The following WDR59 variants were observed in gnomAD, a reference collection of about 807,000 sequenced individuals.
WDR59 encodes WD repeat domain 59.
A neutral mutation model predicts 131.2 loss-of-function variants in WDR59; 100 were observed. The ratio of observed to expected loss-of-function variants is 0.76; its 90% CI spans 0.65 to 0.90. The LOEUF (loss-of-function observed/expected upper bound fraction) is 0.90. Ranked by LOEUF, WDR59 falls within the 40% of genes least tolerant of loss-of-function variation. The pLI is 0.00. For missense variants in WDR59, 1,203 were observed against 1,262.2 expected (o/e 0.95, Z 0.71); for synonymous variants, 601 against 466.2 (o/e 1.29, Z -3.72).
chr16:74,956,720 AC>A, intron 2 of WDR59, 110 bp from the exon 3 acceptor site: 1 of 1,327,036 alleles, frequency 7.5e-7, no homozygotes, highest in Non-Finnish European at 1.0e-6. Context: ...GCTCCAAAAA[AC>A]CCAAACACAC....
chr16:74,972,315 C>T (rs1419880566), intron 1 of WDR59, among the ~76,000 whole-genome samples: 1 of 152,106 alleles, frequency 6.6e-6, no homozygotes, highest in Non-Finnish European at 1.5e-5. Context: ...TTCCATGAGA[C>T]TCTATTAGAC....
chr16:74,894,746 C>G (rs1212214605), intron 18 of WDR59, among the ~76,000 whole-genome samples: 1 of 152,174 alleles, frequency 6.6e-6, no homozygotes, highest in Admixed American at 6.5e-5. Context: ...ACTGGCTCAG[C>G]AGGACCCTCG....
intron 8 of WDR59, among the ~76,000 whole-genome samples, chr16:74,933,349 ACAG>A (rs1010099868): frequency 1.3e-5 from 2 of 152,270 alleles, no homozygotes; most frequent in Non-Finnish European, 2.9e-5. Flanking sequence ...TTCCATTTAA[ACAG>A]CAACTGATCT....
intron 20 of WDR59, 97 bp from the exon 21 acceptor site, chr16:74,889,912 C>G (rs760675148): frequency 1.2e-4 from 98 of 842,776 alleles, no homozygotes; most frequent in Admixed American, 3.3e-4. Context: ...AACCTGATGC[C>G]TTGCTACATT....
intron 21 of WDR59, among the ~76,000 whole-genome samples, chr16:74,888,958 C>G (rs1368576000): frequency 1.3e-5 from 2 of 152,216 alleles, no homozygotes; most frequent in Non-Finnish European, 2.9e-5. Flanking sequence ...ATATTAATGT[C>G]CTCCTATCAC....
intron 1 of WDR59, among the ~76,000 whole-genome samples, chr16:74,974,367 G>C (rs1244769028): frequency 4.6e-5 from 7 of 152,070 alleles, no homozygotes; most frequent in Non-Finnish European, 7.4e-5. Flanking sequence ...TGCTTCCTTA[G>C]GCCAGTTTTC....
At chr16:74,982,634 T>C (rs1272772171) in intron 1 of WDR59, among the ~76,000 whole-genome samples, 2 of 152,214 alleles carry the variant, frequency 1.3e-5, no homozygotes, top group African/African-American at 4.8e-5. Context: ...TCTGTCCTAG[T>C]TGCCAGTAAA....
In WDR59 at chr16:74,979,361, G is replaced by A. The variant is rs372653093; in HGVS notation, c.54+5603C>T. Among the ~76,000 whole-genome samples the A allele has an allele frequency of 4.6e-5, 7 of 151,800 alleles. No homozygotes were observed. The East Asian group carries it at 1.2e-3, about 26-fold the overall frequency. On this transcript the variant is annotated intron_variant, in intron 1 of 25. Transcript: ENST00000262144. ...GGCGCCTGTAGTCCCAGCTACTCGG[G>A]AGGCTGAGGCAGGAGAATGGCATGA...
In WDR59 at chr16:74,871,693, T is replaced by C. The variant is rs1567675376; in HGVS notation, c.*2516A>G. The C allele has an allele frequency of 6.6e-6, 1 of 152,250 alleles. No individual in the cohort carries two copies. Among genetic ancestry groups the C allele is most frequent in the South Asian group, 2.1e-4 (1 of 4,834 alleles). 9.4% of individuals were successfully genotyped at this position (152,250 alleles called of 1,614,324 possible). A position where few individuals can be genotyped will look rare whatever the true frequency, so the allele number is the denominator to read the frequency against. On this transcript the variant is annotated 3_prime_UTR_variant, in exon 26 of 26. Transcript: ENST00000262144. ...TGGGGAACAGGAAAAGATTGCTCTCTGCAAATGGTGTGATTTCACTGAGGA... is the reference window on the plus strand; with the variant it reads ...TGGGGAACAGGAAAAGATTGCTCTCCGCAAATGGTGTGATTTCACTGAGGA...
At chr16:74,903,686 CGAGT>C (rs1478587043) in intron 18 of WDR59, among the ~76,000 whole-genome samples, 28 of 53,662 alleles carry the variant, frequency 5.2e-4, no homozygotes, top group African/African-American at 3.1e-3. Context: ...GTGGAGATTA[CGAGT>C]GGAGATTACA....
intron 13 of WDR59, among the ~76,000 whole-genome samples, chr16:74,915,307 A>T (rs1326514659): frequency 6.6e-6 from 1 of 152,236 alleles, no homozygotes; most frequent in East Asian, 1.9e-4. Context: ...TGGAGCATCT[A>T]AGGAGGAGCT....
chr16:74,882,807 C>CAAAA (rs569507124), intron 25 of WDR59, among the ~76,000 whole-genome samples: 162 of 51,390 alleles, frequency 3.2e-3, no homozygotes, highest in African/African-American at 6.7e-3. Flanking sequence ...AACACTGTCT[C>CAAAA]AAAAAAAAAA....
chr16:74,918,732 A>T (rs954451606), intron 10 of WDR59, among the ~76,000 whole-genome samples: 2 of 152,184 alleles, frequency 1.3e-5, no homozygotes, highest in African/African-American at 4.8e-5. Context: ...ACCTTCAGAG[A>T]GCAAAGATTT....
chr16:74,946,900 A>G (rs2032677398), intron 6 of WDR59, among the ~76,000 whole-genome samples: 1 of 151,796 alleles, frequency 6.6e-6, no homozygotes, highest in Admixed American at 6.6e-5. Flanking sequence ...GTTCCAATGC[A>G]CCAAGGAGAT....
chr16:74,921,080 A>C (rs2030174917), intron 10 of WDR59, among the ~76,000 whole-genome samples: 1 of 152,176 alleles, frequency 6.6e-6, no homozygotes, highest in Non-Finnish European at 1.5e-5. Flanking sequence ...CACAGTAAAA[A>C]AAAATTTTTT....
intron 8 of WDR59, among the ~76,000 whole-genome samples, chr16:74,927,683 AACACACACACACAC>A (rs61511176): frequency 8.5e-6 from 1 of 118,180 alleles, no homozygotes; most frequent in African/African-American, 3.1e-5. Flanking sequence ...CTCTTTAAAA[AACACACACACACAC>A]ACACACACAC....
chr16:74,891,228 G>C (rs956718869), intron 20 of WDR59, among the ~76,000 whole-genome samples: 1 of 151,862 alleles, frequency 6.6e-6, no homozygotes, highest in Non-Finnish European at 1.5e-5. Context: ...ATGCTCAAAA[G>C]AAAGAAGATA....
At chr16:74,925,715 A>T (rs2030721694) in intron 8 of WDR59, among the ~76,000 whole-genome samples, 1 of 151,988 alleles carries the variant, frequency 6.6e-6, no homozygotes. Flanking sequence ...GTTATATGCA[A>T]CTCTGCATAT....
chr16:74,909,485 A>T lies in WDR59; in HGVS notation c.1642+16T>A, dbSNP rs761911596. ...TCCCTCTCGAAATCTAGAATCAAAG[A>T]ACCAAAGAGACCCACCTGCTCCGCA... On this transcript the variant is annotated intron_variant, in intron 16 of 25. Transcript: ENST00000262144. The T allele has an allele frequency of 1.2e-5, 19 of 1,532,070 alleles. No homozygotes were observed. The African/African-American group carries it at 2.7e-4, about 21-fold the overall frequency. The allele number at this position is 1,532,070 out of a possible 1,614,324, so 94.9% of individuals were successfully genotyped here. A position where few individuals can be genotyped will look rare whatever the true frequency, so the allele number is the denominator to read the frequency against.
Sources: allele counts gnomAD v4.1 joint callset (sites outside exome capture counted in the v4.1 genomes callset), GRCh38; gene constraint gnomAD v4.1.1; transcripts MANE v1.5; gene names NCBI Gene and HGNC (gene_info 2026-07-23, HGNC 2026-07-21).